PTPRM: variants seen among roughly 807,000 people sequenced by gnomAD.
PTPRM encodes the protein receptor-type tyrosine-protein phosphatase mu.
PTPRM carries 47 observed loss-of-function variants against 186.7 expected under a neutral mutation model. That is an observed-to-expected ratio of 0.25 (90% CI 0.20 to 0.32). The LOEUF (loss-of-function observed/expected upper bound fraction) is 0.32. Among genes scored for constraint, PTPRM ranks in the 10% least tolerant of loss-of-function variants. The pLI, the probability that PTPRM is intolerant of heterozygous loss-of-function variation, is 1.00. For synonymous variants in PTPRM, 668 were observed against 674.9 expected (o/e 0.99, Z 0.16); for missense variants, 1,494 against 1,865.0 (o/e 0.80, Z 3.66).
At chr18:8,102,863 G>A (rs553059377) in intron 11 of PTPRM, among the ~76,000 whole-genome samples, 9 of 152,186 alleles carry the variant, frequency 5.9e-5, no homozygotes, top group East Asian at 3.9e-4. Flanking sequence ...AATCTATTCC[G>A]TGTATAATAA....
chr18:8,028,549 A>C (rs1248292665), intron 7 of PTPRM, among the ~76,000 whole-genome samples: 1 of 152,250 alleles, frequency 6.6e-6, no homozygotes, highest in African/African-American at 2.4e-5. Flanking sequence ...ACTGTTGTCC[A>C]GAACTTGCCC....
intron 7 of PTPRM, among the ~76,000 whole-genome samples, chr18:7,967,765 A>G (rs2054243004): frequency 1.2e-5 from 1 of 84,310 alleles, no homozygotes; most frequent in Non-Finnish European, 2.2e-5. Flanking sequence ...AAAAAAGAAT[A>G]AAAAGAAATG....
chr18:8,114,827 G>T lies in PTPRM; in HGVS notation c.2167G>T (p.Gly723Ter). 6.2e-7 allele frequency: 1 copy of T among 1,610,002 alleles called. No individual in the cohort carries two copies. Among genetic ancestry groups the T allele is most frequent in the Non-Finnish European group, 8.5e-7 (1 of 1,177,988 alleles). Reference protein sequence around the residue: ...KIDCVQVATKGAATPKPVPEP... With the variant: ...KIDCVQVATK Reference sequence around the variant, plus strand: ...AGACTGTGTCCAAGTGGCCACAAAAGGTAGGTTGAAATTGTGGGATATTCT... The same window carrying T: ...AGACTGTGTCCAAGTGGCCACAAAATGTAGGTTGAAATTGTGGGATATTCT... The change falls in exon 13 of 33, where the codon GGA becomes TGA. Residue 723 changes from glycine to a stop codon, truncating the protein, a stop_gained and splice_region_variant. Transcript: ENST00000580170. LOFTEE classifies it high-confidence loss of function.
chr18:8,376,574 A>C lies in PTPRM; in HGVS notation c.3439A>C (p.Arg1147=). 1 of 1,613,710 alleles carries C rather than the reference A, an allele frequency of 6.2e-7. No individual in the cohort carries two copies. Among genetic ancestry groups the C allele is most frequent in the Non-Finnish European group, 8.5e-7 (1 of 1,179,948 alleles). Residue 1147 remains arginine, a synonymous_variant, in exon 26 of 33, where the codon AGG becomes CGG. Coordinates refer to ENST00000580170, the MANE Select transcript of PTPRM (RefSeq NM_001105244.2). The stretch of plus-strand genomic sequence containing the variant: ...CTGCGTCAGGGAGCTGCGGTCACGG[A>C]GGGTGAACATGGTGCAAACAGAGGT... ...YNCVRELRSR[R]VNMVQTEEQY...
chr18:7,894,621 T>A (rs1188645858), intron 3 of PTPRM, among the ~76,000 whole-genome samples: 1 of 151,552 alleles, frequency 6.6e-6, no homozygotes, highest in Non-Finnish European at 1.5e-5. Flanking sequence ...TTTTTAATAT[T>A]TTTTTTCCAG....
At chr18:7,954,677 GA>G (rs920067852) in intron 6 of PTPRM, among the ~76,000 whole-genome samples, 64 of 149,372 alleles carry the variant, frequency 4.3e-4, no homozygotes, top group East Asian at 3.3e-3. Context: ...AACTTTAGTG[GA>G]AAAAAAAAAT....
At chr18:7,652,103 C>G (rs9797473) in intron 1 of PTPRM, among the ~76,000 whole-genome samples, 151,961 of 152,306 alleles carry the variant, frequency 1, 75,809 homozygotes, top group Middle Eastern at 1. Flanking sequence ...GACATGGACA[C>G]ACTCTTCTCA....
chr18:8,324,962 G>A (rs964111242), intron 22 of PTPRM, among the ~76,000 whole-genome samples: 12 of 152,134 alleles, frequency 7.9e-5, no homozygotes, highest in African/African-American at 1.7e-4. Flanking sequence ...CCATGTATGC[G>A]TGACCTGTTA....
In PTPRM at chr18:8,396,129, A is replaced by G. The variant is rs187086181; in HGVS notation, c.4344+1518A>G. On this transcript the variant is annotated intron_variant, in intron 32 of 32. Coordinates refer to ENST00000580170, the MANE Select transcript of PTPRM (RefSeq NM_001105244.2). ...GGACCGTCTCCCTCCCTGCAATCCC[A>G]CCTGAATGGTAAAGAGTTCTACCGC... 2.6e-3 allele frequency among the ~76,000 whole-genome samples: 394 copies of G among 152,308 alleles called. 1 individual carries two copies. The highest frequency in any genetic ancestry group is 9.1e-3 in the African/African-American group (380 of 41,562).
chr18:7,757,527 C>T (rs771144387), intron 1 of PTPRM, among the ~76,000 whole-genome samples: 1 of 152,172 alleles, frequency 6.6e-6, no homozygotes. Flanking sequence ...CAAGGAGTGA[C>T]CCCTGGGCAG....
intron 1 of PTPRM, among the ~76,000 whole-genome samples, chr18:7,715,250 C>T (rs1042631851): frequency 6.6e-6 from 1 of 152,104 alleles, no homozygotes; most frequent in Non-Finnish European, 1.5e-5. Context: ...AAACCAATGA[C>T]AAAACCACAT....
chr18:8,131,062 C>A (rs549370772), intron 13 of PTPRM, among the ~76,000 whole-genome samples: 2 of 152,272 alleles, frequency 1.3e-5, no homozygotes, highest in African/African-American at 2.4e-5. Flanking sequence ...TGTTTTATGG[C>A]CCATGAGGCT....
chr18:8,126,023 A>ATTT (rs1345519818), intron 13 of PTPRM, among the ~76,000 whole-genome samples: 1,262 of 45,866 alleles, frequency 0.028, 74 homozygotes, highest in Non-Finnish European at 0.044. Context: ...ATATATATAT[A>ATTT]TATATTTTAA....
At chr18:7,988,099 C>T (rs761478750) in intron 7 of PTPRM, among the ~76,000 whole-genome samples, 7 of 151,604 alleles carry the variant, frequency 4.6e-5, no homozygotes, top group East Asian at 2.0e-4. Flanking sequence ...GCAGGAGGAT[C>T]GCTTGAGTCT....
At chr18:8,138,526 C>A (rs755545523) in intron 13 of PTPRM, among the ~76,000 whole-genome samples, 1 of 152,134 alleles carries the variant, frequency 6.6e-6, no homozygotes, top group Admixed American at 6.5e-5. Context: ...CTCACACCTC[C>A]GTTCTGGTCC....
chr18:8,024,319 T>C (rs1384857931), intron 7 of PTPRM, among the ~76,000 whole-genome samples: 1 of 152,200 alleles, frequency 6.6e-6, no homozygotes. Context: ...TTGGTTGATC[T>C]CCGTCATTAG....
In PTPRM at chr18:8,143,757, G is replaced by T. The variant is rs762422870; in HGVS notation, c.2278G>T (p.Val760Phe). 1.3e-5 allele frequency: 21 copies of T among 1,614,008 alleles called. No homozygotes were observed. Among genetic ancestry groups the T allele is most frequent in the Non-Finnish European group, 1.7e-5 (20 of 1,179,972 alleles). Residue 760 changes from valine (V) to phenylalanine (F), a missense_variant, in exon 14 of 33, where the codon GTT becomes TTT. By Grantham distance (50) the Val-to-Phe change is conservative. This residue lies in a region of PTPRM where 1,107 missense variants were observed against 1,350.2 expected (regional missense o/e 0.82). Coordinates refer to ENST00000580170, the MANE Select transcript of PTPRM (RefSeq NM_001105244.2). The part of the protein sequence containing the change: ...ILLFVIIFLG[V>F]VLVMKKRKLA... ...GCTGTTCGTGATTATATTTCTTGGA[G>T]TTGTGTTGGTAATGAAGAAAAGGTG...
chr18:8,054,298 A>ATGT (rs1555710874), intron 7 of PTPRM, among the ~76,000 whole-genome samples: 17 of 131,706 alleles, frequency 1.3e-4, no homozygotes, highest in Admixed American at 1.2e-3. Flanking sequence ...TAGTAGTAGT[A>ATGT]ATATATATAT....
At chr18:7,841,869 CA>C (rs749879615) in intron 2 of PTPRM, among the ~76,000 whole-genome samples, 1 of 152,030 alleles carries the variant, frequency 6.6e-6, no homozygotes, top group Non-Finnish European at 1.5e-5. Flanking sequence ...AGTGCTAGAA[CA>C]AAACAACCTA....
Sources: allele counts gnomAD v4.1 joint callset (sites outside exome capture counted in the v4.1 genomes callset), GRCh38; gene constraint gnomAD v4.1.1; regional missense constraint gnomAD v4.1.1; transcripts MANE v1.5; gene names NCBI Gene and HGNC (gene_info 2026-07-23, HGNC 2026-07-21).